Variants in FGD4 observed in about 807,000 individuals in gnomAD.
FGD4 encodes the protein FYVE, RhoGEF and PH domain-containing protein 4.
Under a neutral mutation model 102.0 loss-of-function variants are expected in FGD4, and 42 were observed. The ratio of observed to expected loss-of-function variants is 0.41; its 90% CI spans 0.32 to 0.53. The LOEUF is 0.53. FGD4 is among the 20% of genes least tolerant of loss of function. The pLI, the probability that FGD4 is intolerant of heterozygous loss-of-function variation, is 0.21. For synonymous variants in FGD4, 380 were observed against 375.7 expected (o/e 1.01, Z -0.13); for missense variants, 902 against 1,078.2 (o/e 0.84, Z 2.29).
intron 1 of FGD4, among the ~76,000 whole-genome samples, chr12:32,461,645 T>C (rs1943106460): frequency 1.3e-5 from 2 of 152,188 alleles, no homozygotes; most frequent in South Asian, 4.1e-4. Context: ...TTTAAAAATA[T>C]AAGTCTCTGC....
At chr12:32,452,856 G>A (rs943421265) in intron 1 of FGD4, among the ~76,000 whole-genome samples, 1 of 151,902 alleles carries the variant, frequency 6.6e-6, no homozygotes, top group Non-Finnish European at 1.5e-5. Flanking sequence ...GGGCATGGTG[G>A]TGCATGCCTC....
chr12:32,511,975 TAA>T (rs1481023571), intron 1 of FGD4: 1 of 152,126 alleles, frequency 6.6e-6, no homozygotes, highest in Admixed American at 6.6e-5. Flanking sequence ...TCCCCCTATT[TAA>T]AAAAATGGAA....
chr12:32,619,515 C>T (rs1949668743), intron 10 of FGD4, among the ~76,000 whole-genome samples, 183 bp from the exon 11 acceptor site: 1 of 151,912 alleles, frequency 6.6e-6, no homozygotes, highest in South Asian at 2.1e-4. Context: ...GCCTGTAGTC[C>T]CAGCTACCCG....
Position 32,564,184 on chromosome 12 carries a change from A to G in FGD4, c.214A>G (p.Ser72Gly). The G allele has an allele frequency of 2.0e-6, 3 of 1,536,168 alleles. No individual in the cohort carries two copies. Among genetic ancestry groups the G allele is most frequent in the African/African-American group, 2.7e-5 (2 of 73,182 alleles). The change falls in exon 2 of 17, where the codon AGC becomes GGC. Residue 72 changes from serine (S) to glycine (G), a missense_variant. Ser to Gly is a moderately conservative substitution (Grantham distance 56, BLOSUM62 0). Transcript: ENST00000534526. ...KIALVPPCSTSSTTTLVGENV... is the reference protein window; with the variant it reads ...KIALVPPCSTGSTTTLVGENV... ...CGCTTTAGTTCCACCTTGCTCCACA[A>G]GCAGCACAACCACACTGGTTGGTGA...
At chr12:32,451,834 CAAAAAAAAA>C (rs60760923) in intron 1 of FGD4, among the ~76,000 whole-genome samples, 21 of 24,158 alleles carry the variant, frequency 8.7e-4, no homozygotes, top group South Asian at 3.4e-3. Flanking sequence ...AACTCCATCT[CAAAAAAAAA>C]AAAAAAAAAA....
Position 32,493,973 on chromosome 12 carries a change from A to G in FGD4, c.167-70164A>G, listed in dbSNP as rs184050596. 5.3e-5 allele frequency among the ~76,000 whole-genome samples: 8 copies of G among 152,328 alleles called. No homozygotes were observed. In the East Asian group the frequency reaches 1.4e-3, roughly 26 times the overall value. On this transcript the variant is annotated intron_variant, in intron 1 of 16. Transcript: ENST00000534526. ...TAGAAACAAGAGGAAGATCTGGAAG[A>G]AAATGTCTTAGGTAGAGGGAACTGC...
intron 4 of FGD4, among the ~76,000 whole-genome samples, chr12:32,589,403 G>A (rs919253342): frequency 6.6e-6 from 1 of 152,070 alleles, no homozygotes; most frequent in Non-Finnish European, 1.5e-5. Flanking sequence ...AGGACTGTTG[G>A]TTATTACCAC....
intron 1 of FGD4, among the ~76,000 whole-genome samples, chr12:32,408,982 C>T (rs561045050): frequency 4.6e-5 from 7 of 152,142 alleles, no homozygotes; most frequent in South Asian, 2.1e-4. Context: ...ATACCTACTC[C>T]GCGTTTTCAA....
intron 14 of FGD4, among the ~76,000 whole-genome samples, chr12:32,629,024 AC>A (rs1950341587): frequency 6.6e-6 from 1 of 152,192 alleles, no homozygotes; most frequent in Admixed American, 6.5e-5. Context: ...ACCATGCTTC[AC>A]CCTGAAGATA....
chr12:32,572,105 TAC>T (rs796932276), intron 2 of FGD4, among the ~76,000 whole-genome samples: 5 of 152,092 alleles, frequency 3.3e-5, no homozygotes, highest in African/African-American at 9.6e-5. Context: ...CACACATACA[TAC>T]ACACACACGC....
At chr12:32,526,147 G>T (rs1941168314) in intron 1 of FGD4, among the ~76,000 whole-genome samples, 1 of 152,236 alleles carries the variant, frequency 6.6e-6, no homozygotes, top group South Asian at 2.1e-4. Context: ...AGTCTGGTGG[G>T]GACATGGAGA....
intron 1 of FGD4, among the ~76,000 whole-genome samples, chr12:32,467,589 A>G (rs921654280): frequency 5.9e-5 from 9 of 152,260 alleles, no homozygotes; most frequent in African/African-American, 2.2e-4. Context: ...AGAAACAGCA[A>G]CCACAATTTT....
chr12:32,580,981 G>A (rs1315481042), intron 3 of FGD4, among the ~76,000 whole-genome samples: 1 of 151,910 alleles, frequency 6.6e-6, no homozygotes, highest in Non-Finnish European at 1.5e-5. Context: ...CTACTGTTAT[G>A]TCAAGCAGTA....
Position 32,564,077 on chromosome 12 carries a change from T to C in FGD4, c.167-60T>C, listed in dbSNP as rs78113393. 1.2e-3 allele frequency: 1,812 copies of C among 1,458,970 alleles called. 22 individuals carry two copies. The African/African-American group carries it at 0.023, about 18-fold the overall frequency. The allele number at this position is 1,458,970 out of a possible 1,614,324, so 90.4% of individuals were successfully genotyped here. On this transcript the variant is annotated intron_variant, in intron 1 of 16. Transcript: ENST00000534526. ...AGTGGGAGAGGGGAAATTTAACTTA[T>C]AAGGCAGTATTGTGATATGCCTCCA...
intron 1 of FGD4, among the ~76,000 whole-genome samples, chr12:32,446,083 G>A (rs1029795837): frequency 1.3e-5 from 2 of 152,184 alleles, no homozygotes; most frequent in Middle Eastern, 3.2e-3. Flanking sequence ...ACCCTAGAAG[G>A]TCAGGGCTGT....
chr12:32,453,176 T>TTATATATATATTA (rs1565748724), intron 1 of FGD4, among the ~76,000 whole-genome samples: 2 of 132,736 alleles, frequency 1.5e-5, no homozygotes, highest in Admixed American at 8.0e-5. Context: ...TATATCTATA[T>TTATATATATATTA]TATATATATA....
At position 32,635,660 on chromosome 12, in the gene FGD4, GAA is replaced by G. The variant is rs543297159; in HGVS notation, c.2313+1974_2313+1975del. Among the ~76,000 whole-genome samples the G allele has an allele frequency of 2.4e-3, 358 of 152,046 alleles. 2 individuals carry two copies. Among genetic ancestry groups the G allele is most frequent in the African/African-American group, 8.1e-3 (336 of 41,428 alleles). On this transcript the variant is annotated intron_variant, in intron 15 of 16. Transcript: ENST00000534526. ...TTACATACATATTTGTAAAAAGAGA[GAA>G]AACAAATTTCCACAATTTTTTTTTA...
intron 11 of FGD4, among the ~76,000 whole-genome samples, chr12:32,623,163 A>G (rs906155409): frequency 1.3e-5 from 2 of 152,110 alleles, no homozygotes; most frequent in Non-Finnish European, 2.9e-5. Flanking sequence ...ATGGTTGTCT[A>G]TTGCTAAGTG....
chr12:32,631,056 A>G (rs758466075), intron 14 of FGD4, among the ~76,000 whole-genome samples: 3 of 152,206 alleles, frequency 2.0e-5, no homozygotes, highest in Non-Finnish European at 4.4e-5. Context: ...TTTCTTTGAT[A>G]CTTCATAAAT....
Sources: gnomAD v4.1 joint callset for allele counts (sites outside exome capture counted in the v4.1 genomes callset) on GRCh38, gnomAD v4.1.1 for gene constraint, MANE v1.5 for transcripts, NCBI Gene and HGNC (gene_info 2026-07-23, HGNC 2026-07-21) for gene names.